The following HDGFL3 variants were observed in gnomAD, a reference collection of about 807,000 sequenced individuals.
HDGFL3 encodes the protein HDGF like 3.
In HDGFL3, 6 loss-of-function variants were observed where a neutral mutation model predicts 27.6. That is an observed-to-expected ratio of 0.22 (90% confidence interval 0.12 to 0.43). The LOEUF is 0.43. Ranked by LOEUF, HDGFL3 falls within the 20% of genes least tolerant of loss-of-function variation. HDGFL3 has a pLI of 1.00. For missense variants in HDGFL3, 207 were observed against 250.1 expected, an observed-to-expected ratio of 0.83 and a Z score of 1.16; for synonymous variants, 88 against 88.9, an observed-to-expected ratio of 0.99 and a Z score of 0.05.
At position 83,133,389 on chromosome 15, in the gene HDGFL3, A is replaced by G. The variant is rs565703485; in HGVS notation, c.*5881T>C. ...ATTAACTTTTTTAGTTATCCTTTAC[A>G]GATTGTCTCTATACATGTAAGAAAA... On this transcript the variant is annotated 3_prime_UTR_variant, in exon 6 of 6. Transcript: ENST00000299633. 3.3e-5 allele frequency: 5 copies of G among 152,362 alleles called. No homozygotes were observed. The East Asian group carries it at 7.7e-4, about 23-fold the overall frequency. 9.4% of individuals were successfully genotyped at this position (152,362 alleles called of 1,614,324 possible).
intron 1 of HDGFL3, among the ~76,000 whole-genome samples, chr15:83,183,895 A>G (rs1319602065): frequency 6.6e-6 from 1 of 152,208 alleles, no homozygotes; most frequent in Non-Finnish European, 1.5e-5. Context: ...CCATCTCCCC[A>G]ATAATGACTC....
intron 1 of HDGFL3, among the ~76,000 whole-genome samples, chr15:83,195,615 TATA>T (rs2037560563): frequency 6.6e-6 from 1 of 152,062 alleles, no homozygotes; most frequent in African/African-American, 2.4e-5. Context: ...CTAATGAGAT[TATA>T]ATGGTAGAAC....
chr15:83,140,088 C>G (rs769378149), intron 5 of HDGFL3, among the ~76,000 whole-genome samples: 10 of 152,100 alleles, frequency 6.6e-5, no homozygotes, highest in Non-Finnish European at 1.2e-4. Context: ...CTTAATTTCA[C>G]TAAATGAATG....
chr15:83,203,652 G>A (rs940356183), intron 1 of HDGFL3, among the ~76,000 whole-genome samples: 9 of 151,614 alleles, frequency 5.9e-5, no homozygotes, highest in Non-Finnish European at 1.2e-4. Context: ...ACAAGAAGCA[G>A]GCAGAAAATA....
chr15:83,157,007 T>C (rs1321316526), intron 4 of HDGFL3, among the ~76,000 whole-genome samples: 1 of 152,220 alleles, frequency 6.6e-6, no homozygotes, highest in Non-Finnish European at 1.5e-5. Flanking sequence ...ATGATGCATT[T>C]CTTAGAACCC....
intron 5 of HDGFL3, among the ~76,000 whole-genome samples, chr15:83,145,177 C>T (rs749629058): frequency 3.9e-5 from 6 of 152,026 alleles, no homozygotes; most frequent in Non-Finnish European, 8.8e-5. Flanking sequence ...GCCCTTTATC[C>T]TAGCTTACTC....
chr15:83,147,324 T>C (rs2036910513), intron 5 of HDGFL3, among the ~76,000 whole-genome samples: 1 of 152,114 alleles, frequency 6.6e-6, no homozygotes, highest in Admixed American at 6.5e-5. Context: ...CCTCCCAAAG[T>C]GCTGGGACTA....
chr15:83,152,990 CTTT>C (rs920789734), intron 4 of HDGFL3, among the ~76,000 whole-genome samples: 2 of 113,308 alleles, frequency 1.8e-5, no homozygotes, highest in Non-Finnish European at 3.8e-5. Flanking sequence ...ATACGCAGTT[CTTT>C]TTTTTTTTTT....
At chr15:83,166,536 A>G (rs1167487347) in intron 1 of HDGFL3, among the ~76,000 whole-genome samples, 1 of 152,220 alleles carries the variant, frequency 6.6e-6, no homozygotes, top group African/African-American at 2.4e-5. Flanking sequence ...TGCAGACCCT[A>G]TAAAGTAACC....
At chr15:83,186,855 C>T (rs147835957) in intron 1 of HDGFL3, among the ~76,000 whole-genome samples, 1 of 152,240 alleles carries the variant, frequency 6.6e-6, no homozygotes, top group Admixed American at 6.5e-5. Flanking sequence ...AACCAACAAC[C>T]ACTTGTACCC....
chr15:83,127,676 C>A, downstream of HDGFL3: 1 of 504,978 alleles, frequency 2.0e-6, no homozygotes, highest in Non-Finnish European at 3.5e-6. Flanking sequence ...GTAGATGTGC[C>A]ATCCAGTTAC....
intron 4 of HDGFL3, among the ~76,000 whole-genome samples, chr15:83,154,947 C>A (rs958766040): frequency 1.3e-5 from 2 of 152,118 alleles, no homozygotes; most frequent in East Asian, 3.9e-4. Flanking sequence ...TGGCTCAGTA[C>A]TCGCCTGGAC....
intron 1 of HDGFL3, among the ~76,000 whole-genome samples, chr15:83,196,663 A>G (rs1389190215): frequency 6.6e-6 from 1 of 152,188 alleles, no homozygotes; most frequent in Non-Finnish European, 1.5e-5. Flanking sequence ...GAAATAGAAG[A>G]AAAGAAAAAT....
intron 1 of HDGFL3, among the ~76,000 whole-genome samples, chr15:83,200,154 T>C (rs191250774): frequency 1.1e-4 from 17 of 150,560 alleles, no homozygotes; most frequent in African/African-American, 4.2e-4. Flanking sequence ...CCATCCTGGC[T>C]AACACAGTGA....
rs958907282 is a variant in HDGFL3, at chr15:83,138,579, T to C, written c.*691A>G. On this transcript the variant is annotated 3_prime_UTR_variant, in exon 6 of 6. Coordinates refer to ENST00000299633, the MANE Select transcript of HDGFL3 (RefSeq NM_016073.4). The stretch of plus-strand genomic sequence containing the variant: ...CTTGAGTGCTTAGCTCAAAATTGTA[T>C]TGGCACTGGGAAAAAAATAAATCAT... 1 of 152,596 alleles carries C rather than the reference T, an allele frequency of 6.6e-6. No individual in the cohort carries two copies. Among genetic ancestry groups the C allele is most frequent in the Non-Finnish European group, 1.5e-5 (1 of 68,000 alleles). 9.5% of individuals were successfully genotyped at this position (152,596 alleles called of 1,614,324 possible). A position where few individuals can be genotyped will look rare whatever the true frequency, so the allele number is the denominator to read the frequency against.
intron 5 of HDGFL3, among the ~76,000 whole-genome samples, chr15:83,140,504 CAG>C (rs1158304446): frequency 3.5e-5 from 4 of 115,064 alleles, no homozygotes; most frequent in East Asian, 2.7e-4. Context: ...TTTTTTGAGA[CAG>C]AGTCTCGCTC....
At chr15:83,145,903 T>C (rs1196263626) in intron 5 of HDGFL3, among the ~76,000 whole-genome samples, 3 of 78,160 alleles carry the variant, frequency 3.8e-5, no homozygotes, top group Non-Finnish European at 7.3e-5. Context: ...CTTCCTTTTT[T>C]TTTTTTTTTT....
intron 5 of HDGFL3, among the ~76,000 whole-genome samples, chr15:83,142,819 A>G (rs1267928973): frequency 6.6e-6 from 1 of 152,236 alleles, no homozygotes; most frequent in Non-Finnish European, 1.5e-5. Context: ...CTATCAAATC[A>G]GACATTAAAA....
chr15:83,159,007 A>G (rs1219465305), intron 2 of HDGFL3, among the ~76,000 whole-genome samples: 2 of 151,956 alleles, frequency 1.3e-5, no homozygotes, highest in Admixed American at 6.6e-5. Flanking sequence ...ACATCTGACT[A>G]ATTTTGTATT....
Sources: gnomAD v4.1 joint callset for allele counts (sites outside exome capture counted in the v4.1 genomes callset) on GRCh38, gnomAD v4.1.1 for gene constraint, MANE v1.5 for transcripts, NCBI Gene and HGNC (gene_info 2026-07-23, HGNC 2026-07-21) for gene names.